CDC42BPB: variants seen among roughly 807,000 people sequenced by gnomAD.
CDC42BPB encodes the protein serine/threonine-protein kinase MRCK beta.
In CDC42BPB, 37 loss-of-function variants were observed where a neutral mutation model predicts 214.9. That is an observed-to-expected ratio of 0.17 (90% CI 0.13 to 0.23). The LOEUF is 0.23. Ranked by LOEUF, CDC42BPB falls within the 10% of genes least tolerant of loss-of-function variation. The pLI is 1.00. For synonymous variants in CDC42BPB, 931 were observed against 884.0 expected (o/e 1.05, Z -0.94); for missense variants, 1,694 against 2,227.0 (o/e 0.76, Z 4.82).
chr14:102,964,480 G>A (rs1893102589), intron 19 of CDC42BPB, 22 bp downstream of exon 19: 1 of 1,611,974 alleles, frequency 6.2e-7, no homozygotes. Context: ...CCTACCTGGA[G>A]TCAGACCCTG....
intron 3 of CDC42BPB, among the ~76,000 whole-genome samples, chr14:103,007,248 G>A (rs908266648): frequency 6.6e-6 from 1 of 152,214 alleles, no homozygotes; most frequent in African/African-American, 2.4e-5. Context: ...AAATGGTTGT[G>A]AGACCTTGTG....
rs1385851679 is a variant in CDC42BPB at position 102,933,387 on chromosome 14, G to A, written c.*325C>T. Reference sequence around the variant, plus strand: ...GCTTCCGAAGCAGCCGCGTCATGACGGGTTTCTGCTGAGGAAGTGGTGTTG... The same window carrying A: ...GCTTCCGAAGCAGCCGCGTCATGACAGGTTTCTGCTGAGGAAGTGGTGTTG... On this transcript the variant is annotated 3_prime_UTR_variant, in exon 37 of 37. Transcript: ENST00000361246. 28 of 249,684 alleles carry A rather than the reference G, an allele frequency of 1.1e-4. No individual in the cohort carries two copies. In the East Asian group the frequency reaches 1.8e-3, roughly 16 times the overall value. The allele number at this position is 249,684 out of a possible 1,614,324, so 15.5% of individuals were successfully genotyped here.
At chr14:102,937,614 G>A (rs769071677) in intron 36 of CDC42BPB, among the ~76,000 whole-genome samples, 1 of 152,094 alleles carries the variant, frequency 6.6e-6, no homozygotes, top group Non-Finnish European at 1.5e-5. Context: ...TCCCCATTCC[G>A]CACAGGGGAA....
intron 21 of CDC42BPB, among the ~76,000 whole-genome samples, chr14:102,957,575 G>C (rs1056527473): frequency 6.6e-6 from 1 of 152,220 alleles, no homozygotes; most frequent in African/African-American, 2.4e-5. Flanking sequence ...CGGTTAAATA[G>C]ATTTGCTTCT....
At chr14:103,029,332 G>A (rs1398879068) in intron 1 of CDC42BPB, among the ~76,000 whole-genome samples, 1 of 152,156 alleles carries the variant, frequency 6.6e-6, no homozygotes, top group Non-Finnish European at 1.5e-5. Context: ...ACGAGGTCAG[G>A]AGATCGAAAC....
chr14:102,959,858 A>C, intron 20 of CDC42BPB, 148 bp from the exon 21 acceptor site: 1 of 1,292,450 alleles, frequency 7.7e-7, no homozygotes, highest in Non-Finnish European at 9.8e-7. Context: ...AAAAAAAAAA[A>C]AAGGGGTCAG....
intron 5 of CDC42BPB, among the ~76,000 whole-genome samples, chr14:102,989,108 G>T (rs1436378031): frequency 6.6e-6 from 1 of 151,902 alleles, no homozygotes; most frequent in Non-Finnish European, 1.5e-5. Context: ...ATAATAAAAG[G>T]GTAAAACCAA....
chr14:103,013,839 C>T (rs34633823), intron 1 of CDC42BPB, among the ~76,000 whole-genome samples: 1 of 152,170 alleles, frequency 6.6e-6, no homozygotes, highest in Non-Finnish European at 1.5e-5. Context: ...TTTAAGCCCC[C>T]CACTTTGTGG....
At chr14:103,041,587 A>G (rs752686979) in intron 1 of CDC42BPB, 11 of 1,020,258 alleles carry the variant, frequency 1.1e-5, no homozygotes, top group South Asian at 2.7e-5. Context: ...CGGGCAAGCT[A>G]AAGTGCCCCA....
chr14:103,012,038 TG>T, intron 2 of CDC42BPB, 58 bp downstream of exon 2: 5 of 1,050,304 alleles, frequency 4.8e-6, no homozygotes, highest in Non-Finnish European at 7.5e-6. Flanking sequence ...AAAGGTGAAA[TG>T]GAAGCTGCTG....
intron 30 of CDC42BPB, among the ~76,000 whole-genome samples, chr14:102,940,913 C>T (rs1436287399): frequency 2.0e-5 from 3 of 152,226 alleles, no homozygotes; most frequent in Admixed American, 6.5e-5. Context: ...AGGCTAAGGG[C>T]GTCCTGCAGG....
chr14:102,963,322 C>G, intron 19 of CDC42BPB, 167 bp from the exon 20 acceptor site: 1 of 978,634 alleles, frequency 1.0e-6, no homozygotes, highest in Non-Finnish European at 1.2e-6. Flanking sequence ...ATGAACAGTA[C>G]GAATATTTCA....
In CDC42BPB at chr14:103,057,067, C is replaced by T; in HGVS notation, c.107G>A (p.Cys36Tyr). Residue 36 changes from cysteine (C) to tyrosine (Y), a missense_variant, in exon 1 of 37, where the codon TGC (cysteine) becomes TAC (tyrosine). By Grantham distance (194) the Cys-to-Tyr change is radical. Coordinates refer to ENST00000361246, the MANE Select transcript of CDC42BPB (RefSeq NM_006035.4). ...CGAGTGGCTGCACTCGGTGTACAGG[C>T]AGACGAGCACGTCGAGCAGCGTTTC... ...SVETLLDVLV[C>Y]LYTECSHSAL... 6.6e-7 allele frequency: 1 copy of T among 1,524,686 alleles called. No individual in the cohort carries two copies. The highest frequency in any genetic ancestry group is 8.8e-7 in the Non-Finnish European group (1 of 1,141,010). The allele number at this position is 1,524,686 out of a possible 1,614,324, so 94.4% of individuals were successfully genotyped here.
Position 102,938,143 on chromosome 14 carries a change from C to G in CDC42BPB, c.4965G>C (p.Leu1655=). The change falls in exon 36 of 37, where the codon CTG becomes CTC. Residue 1655 remains leucine (L), a synonymous_variant. Transcript: ENST00000361246. ...GGSEPSVTVP[L]RSMSDPDQDF... ...CCTGGTCTGGATCAGACATACTTCTCAGAGGCACAGTCACGCTAGGCTCCG... is the reference window on the plus strand; with the variant it reads ...CCTGGTCTGGATCAGACATACTTCTGAGAGGCACAGTCACGCTAGGCTCCG... 6.2e-7 allele frequency: 1 copy of G among 1,614,038 alleles called. No individual in the cohort carries two copies. The highest frequency in any genetic ancestry group is 8.5e-7 in the Non-Finnish European group (1 of 1,180,036).
rs8015055 is a variant in CDC42BPB, at chr14:102,991,140, A to T, written c.597-4560T>A. On this transcript the variant is annotated intron_variant, in intron 5 of 36. Transcript: ENST00000361246. ...CAGGGAAAAAACTATATAGCAGAAA[A>T]ATCTAACAAAATCTTAACTGCGTGA... Among the ~76,000 whole-genome samples the T allele has an allele frequency of 2.8e-3, 432 of 152,338 alleles. 2 individuals carry two copies. Among genetic ancestry groups the T allele is most frequent in the African/African-American group, 9.8e-3 (407 of 41,568 alleles).
chr14:103,005,298 C>T (rs560112422), intron 3 of CDC42BPB, among the ~76,000 whole-genome samples: 18 of 152,248 alleles, frequency 1.2e-4, no homozygotes, highest in South Asian at 1.0e-3. Context: ...AAGTACATTA[C>T]GGAGAGCTTG....
intron 16 of CDC42BPB, 66 bp from the exon 17 acceptor site, chr14:102,967,236 C>A: frequency 6.5e-7 from 1 of 1,540,580 alleles, no homozygotes. Flanking sequence ...CTGGATTTAA[C>A]ACTGGAAGTT....
intron 18 of CDC42BPB, among the ~76,000 whole-genome samples, chr14:102,965,480 T>A (rs1893159305): frequency 6.6e-6 from 1 of 151,366 alleles, no homozygotes; most frequent in Non-Finnish European, 1.5e-5. Context: ...GCCAGTTCAC[T>A]AACATCATCC....
Position 102,979,837 on chromosome 14 carries a change from T to C in CDC42BPB, c.1140+936A>G, listed in dbSNP as rs541598347. On this transcript the variant is annotated intron_variant, in intron 8 of 36. Coordinates refer to ENST00000361246, the MANE Select transcript of CDC42BPB (RefSeq NM_006035.4). ...CTCCAGGACCAAAGGTACTGGCTAG[T>C]GTGTCAAAGAGGCCCTGTCAGAGCC... Among the ~76,000 whole-genome samples the C allele has an allele frequency of 3.3e-5, 5 of 152,120 alleles. No individual in the cohort carries two copies. The South Asian group carries it at 6.2e-4, about 19-fold the overall frequency.
Sources: allele counts gnomAD v4.1 joint callset (sites outside exome capture counted in the v4.1 genomes callset), GRCh38; gene constraint gnomAD v4.1.1; transcripts MANE v1.5; gene names NCBI Gene and HGNC (gene_info 2026-07-23, HGNC 2026-07-21).